The following CAMSAP2 variants were observed in gnomAD, a reference collection of about 807,000 sequenced individuals.
The protein encoded by CAMSAP2 is calmodulin-regulated spectrin-associated protein 2.
CAMSAP2 carries 26 observed loss-of-function variants against 146.1 expected under a neutral mutation model. The observed-to-expected ratio is 0.18, with a 90% CI of 0.13 to 0.25. CAMSAP2 has a LOEUF of 0.25. CAMSAP2 is among the 10% of genes least tolerant of loss of function. CAMSAP2 has a pLI of 1.00. For synonymous variants in CAMSAP2, 499 were observed against 596.6 expected (o/e 0.84, Z 2.38); for missense variants, 1,381 against 1,759.3 (o/e 0.78, Z 3.85).
At position 200,849,195 on chromosome 1, in the gene CAMSAP2, A is replaced by G; in HGVS notation, c.2426A>G (p.Glu809Gly). Residue 809 changes from glutamate (E) to glycine (G), a missense_variant, in exon 11 of 17, where the codon GAA (glutamate) becomes GGA (glycine). Physicochemically the swap from Glu to Gly is moderately conservative, Grantham distance 98. Coordinates refer to ENST00000358823, the MANE Select transcript of CAMSAP2 (RefSeq NM_203459.4). This position sits in a 1 kb window ranked among gnomAD's most constrained non-coding sequence, Gnocchi z 6.3. ...SPLREEAAGA[E>G]DEKVYTDRAK... ...CTACGAGAGGAAGCGGCGGGTGCAG[A>G]AGATGAGAAAGTATATACTGATCGA... 6.2e-7 allele frequency: 1 copy of G among 1,613,816 alleles called. No individual in the cohort carries two copies. Among genetic ancestry groups the G allele is most frequent in the Non-Finnish European group, 8.5e-7 (1 of 1,179,992 alleles).
At chr1:200,803,706 T>G (rs1396365261) in intron 2 of CAMSAP2, among the ~76,000 whole-genome samples, 2 of 152,208 alleles carry the variant, frequency 1.3e-5, no homozygotes, top group Non-Finnish European at 2.9e-5. Flanking sequence ...GTGGAATTTT[T>G]AGAAATTTGT....
intron 2 of CAMSAP2, among the ~76,000 whole-genome samples, chr1:200,765,571 G>A (rs181831003): frequency 1.8e-3 from 279 of 152,092 alleles, no homozygotes; most frequent in Middle Eastern, 3.4e-3. Flanking sequence ...TGACATCTCC[G>A]CTTGAATGAT....
At chr1:200,817,046 G>GTA (rs1558191674) in intron 4 of CAMSAP2, among the ~76,000 whole-genome samples, 20 of 138,766 alleles carry the variant, frequency 1.4e-4, no homozygotes, top group African/African-American at 4.7e-4. Context: ...ACATACACAC[G>GTA]TGTATGTGTA....
At chr1:200,790,196 T>A (rs535190559) in intron 2 of CAMSAP2, among the ~76,000 whole-genome samples, 1 of 152,292 alleles carries the variant, frequency 6.6e-6, no homozygotes, top group East Asian at 1.9e-4. Flanking sequence ...TGTTTCCCTC[T>A]CCCAGGTCAG....
chr1:200,855,890 C>G, intron 14 of CAMSAP2, 120 bp from the exon 15 acceptor site: 1 of 686,138 alleles, frequency 1.5e-6, no homozygotes, highest in South Asian at 1.9e-5. Context: ...CCACCGCGCC[C>G]GGCCTTATCA....
intron 4 of CAMSAP2, among the ~76,000 whole-genome samples, chr1:200,817,218 A>ATGTGTGTGTG (rs1666613037): frequency 1.3e-5 from 1 of 77,826 alleles, no homozygotes; most frequent in Admixed American, 1.5e-4. Flanking sequence ...ACATACACAC[A>ATGTGTGTGTG]TATGTGTGTG....
chr1:200,817,576 TTTC>T (rs1666638623), intron 4 of CAMSAP2, among the ~76,000 whole-genome samples: 1 of 152,198 alleles, frequency 6.6e-6, no homozygotes, highest in South Asian at 2.1e-4. Context: ...TGGTTTAAAG[TTTC>T]TTCATTATTA....
chr1:200,831,938 C>A (rs1266771683), intron 4 of CAMSAP2, among the ~76,000 whole-genome samples: 1 of 152,058 alleles, frequency 6.6e-6, no homozygotes, highest in African/African-American at 2.4e-5. Flanking sequence ...TGCTTTTATA[C>A]TTAAATATTT....
At chr1:200,828,297 ATT>A (rs1666954468) in intron 4 of CAMSAP2, among the ~76,000 whole-genome samples, 1 of 152,156 alleles carries the variant, frequency 6.6e-6, no homozygotes, top group Non-Finnish European at 1.5e-5. Context: ...CAGAAATAAA[ATT>A]TTTTGCTGCT....
At chr1:200,831,694 C>A (rs981955542) in intron 4 of CAMSAP2, among the ~76,000 whole-genome samples, 5 of 150,780 alleles carry the variant, frequency 3.3e-5, no homozygotes, top group African/African-American at 1.2e-4. Context: ...CAGATAATAA[C>A]CCAGAATGTC....
chr1:200,791,856 CTCA>C (rs1665761240), intron 2 of CAMSAP2, among the ~76,000 whole-genome samples: 1 of 152,042 alleles, frequency 6.6e-6, no homozygotes, highest in African/African-American at 2.4e-5. Flanking sequence ...ATCTCAGTTA[CTCA>C]GGAGGCTGAG....
At position 200,827,057 on chromosome 1, in the gene CAMSAP2, C is replaced by T. The variant is rs533535488; in HGVS notation, c.646-5143C>T. Among the ~76,000 whole-genome samples, 9 of 152,216 alleles carry T rather than the reference C, an allele frequency of 5.9e-5. No individual in the cohort carries two copies. The East Asian group carries it at 9.7e-4, about 16-fold the overall frequency. On this transcript the variant is annotated intron_variant, in intron 4 of 16. Transcript: ENST00000358823. Reference sequence around the variant, plus strand: ...ATGTATTTGAGCTTTTTGAAGCATACGTATATAAGTATGCATAGTATATTT... The same window carrying T: ...ATGTATTTGAGCTTTTTGAAGCATATGTATATAAGTATGCATAGTATATTT...
intron 1 of CAMSAP2, among the ~76,000 whole-genome samples, chr1:200,745,248 A>G (rs1664288730): frequency 6.6e-6 from 1 of 152,082 alleles, no homozygotes; most frequent in Non-Finnish European, 1.5e-5. Flanking sequence ...AGTGTTCCCT[A>G]CCACTACCCC....
chr1:200,827,558 T>C (rs1198703300), intron 4 of CAMSAP2, among the ~76,000 whole-genome samples: 3 of 152,324 alleles, frequency 2.0e-5, no homozygotes, highest in East Asian at 3.9e-4. Context: ...GAGGCTATTC[T>C]TCCTGGTGCT....
chr1:200,805,295 C>T (rs79037739), intron 2 of CAMSAP2, among the ~76,000 whole-genome samples: 233 of 152,330 alleles, frequency 1.5e-3, no homozygotes, highest in African/African-American at 5.0e-3. Flanking sequence ...ACTTCCTCAA[C>T]CTCCAGAGTA....
At chr1:200,758,174 G>C (rs540874704) in intron 1 of CAMSAP2, among the ~76,000 whole-genome samples, 12 of 152,312 alleles carry the variant, frequency 7.9e-5, no homozygotes, top group African/African-American at 2.9e-4. Context: ...TGTAAAAGCA[G>C]TAAGTAAATG....
intron 2 of CAMSAP2, among the ~76,000 whole-genome samples, chr1:200,804,468 C>G (rs1487792610): frequency 2.0e-5 from 3 of 152,094 alleles, no homozygotes; most frequent in African/African-American, 7.2e-5. Flanking sequence ...TTTTTATCCT[C>G]TCTCATGTGT....
At chr1:200,786,690 A>AT (rs1353420918) in intron 2 of CAMSAP2, among the ~76,000 whole-genome samples, 1 of 152,170 alleles carries the variant, frequency 6.6e-6, no homozygotes, top group Admixed American at 6.5e-5. Context: ...CCTAAGCAAG[A>AT]TTTTCGATGT....
intron 2 of CAMSAP2, among the ~76,000 whole-genome samples, chr1:200,762,206 G>A (rs985683471): frequency 6.6e-6 from 1 of 151,900 alleles, no homozygotes; most frequent in African/African-American, 2.4e-5. Context: ...TTGTTTTCTG[G>A]TTTTTTTCCT....
Sources: gnomAD v4.1 joint callset for allele counts (sites outside exome capture counted in the v4.1 genomes callset) on GRCh38, gnomAD v4.1.1 for gene constraint, Gnocchi (gnomAD v3.1) non-coding constraint, MANE v1.5 for transcripts, NCBI Gene and HGNC (gene_info 2026-07-23, HGNC 2026-07-21) for gene names.